The following MPP7 variants were observed in gnomAD, a reference collection of about 807,000 sequenced individuals.
The protein encoded by MPP7 is MAGUK p55 scaffold protein 7.
In MPP7, 60 loss-of-function variants were observed where a neutral mutation model predicts 76.5. The observed-to-expected ratio is 0.78, with a 90% CI of 0.64 to 0.97. The LOEUF is 0.97. Ranked by LOEUF, MPP7 falls within the 50% of genes least tolerant of loss-of-function variation. The pLI, the probability that MPP7 is intolerant of heterozygous loss-of-function variation, is 0.00. For synonymous variants in MPP7, 237 were observed against 244.5 expected (o/e 0.97, Z 0.29); for missense variants, 641 against 694.0 (o/e 0.92, Z 0.86).
In MPP7 at chr10:28,270,532, A is replaced by AAAGGG. The variant is rs1304530937; in HGVS notation, c.-131-31798_-131-31797insCCCTT. Among the ~76,000 whole-genome samples, 9 of 15,504 alleles carry AAAGGG rather than the reference A, an allele frequency of 5.8e-4. 1 individual carries two copies. The highest frequency in any genetic ancestry group is 1.3e-3 in the East Asian group (1 of 784). 10.2% of individuals were successfully genotyped at this position (15,504 alleles called of 152,430 possible). A position where few individuals can be genotyped will look rare whatever the true frequency, so the allele number is the denominator to read the frequency against. On this transcript the variant is annotated intron_variant, in intron 1 of 16. Coordinates refer to ENST00000683449, the MANE Select transcript of MPP7 (RefSeq NM_001318170.2). Reference sequence around the variant, plus strand: ...AAGACTATCTCTTTAAAAAAAAAAAAGGGGGGGGGGGAGGAGGGGAGCTGG... The same window carrying AAAGGG: ...AAGACTATCTCTTTAAAAAAAAAAAAAAGGGGGGGGGGGGGGAGGAGGGGAGCTGG...
intron 1 of MPP7, among the ~76,000 whole-genome samples, chr10:28,259,494 C>T (rs1370782246): frequency 6.6e-6 from 1 of 151,818 alleles, no homozygotes. Context: ...GAGGGAGAAT[C>T]ACTTGAGCCC....
Position 28,238,202 on chromosome 10 carries a change from G to A in MPP7, c.37+366C>T, listed in dbSNP as rs143482860. The stretch of plus-strand genomic sequence containing the variant: ...AAAAAGAGAAAAATATGAATCAAGT[G>A]TGGCAAACAGTTCCTAGCTGTTATA... On this transcript the variant is annotated intron_variant, in intron 2 of 16. Coordinates refer to ENST00000683449, the MANE Select transcript of MPP7 (RefSeq NM_001318170.2). 1.3e-3 allele frequency among the ~76,000 whole-genome samples: 203 copies of A among 152,122 alleles called. 2 individuals are homozygous for A. Among genetic ancestry groups the A allele is most frequent in the African/African-American group, 4.7e-3 (195 of 41,518 alleles).
intron 11 of MPP7, among the ~76,000 whole-genome samples, chr10:28,113,345 TG>T (rs1834563495): frequency 6.6e-6 from 1 of 152,166 alleles, no homozygotes; most frequent in Non-Finnish European, 1.5e-5. Context: ...CTCTCCTCTC[TG>T]GGATCTGTGA....
chr10:28,192,147 G>C (rs1588904709), intron 3 of MPP7, among the ~76,000 whole-genome samples: 1 of 150,670 alleles, frequency 6.6e-6, no homozygotes, highest in African/African-American at 2.4e-5. Context: ...GAAATAGAAA[G>C]AACTTTCTCA....
chr10:28,065,596 T>G (rs1243691039), intron 13 of MPP7, among the ~76,000 whole-genome samples: 2 of 152,164 alleles, frequency 1.3e-5, no homozygotes, highest in Non-Finnish European at 2.9e-5. Flanking sequence ...CCACTATGTA[T>G]ACCAGTTAAG....
chr10:28,125,200 C>CA, intron 6 of MPP7, 109 bp from the exon 7 acceptor site: 2 of 902,264 alleles, frequency 2.2e-6, no homozygotes, highest in African/African-American at 1.7e-5. Context: ...ACTACAAAAA[C>CA]GAAAAAAAAG....
intron 3 of MPP7, among the ~76,000 whole-genome samples, chr10:28,172,319 G>A (rs934065295): frequency 5.3e-5 from 8 of 152,184 alleles, no homozygotes; most frequent in Non-Finnish European, 1.0e-4. Flanking sequence ...GGAATGGTAC[G>A]AAAAAATCTT....
chr10:28,302,402 T>A (rs575707364), intron 1 of MPP7, among the ~76,000 whole-genome samples: 1 of 152,298 alleles, frequency 6.6e-6, no homozygotes, highest in East Asian at 1.9e-4. Flanking sequence ...TCAGAAAACA[T>A]GTAATTAACA....
chr10:28,295,344 T>C (rs989225915), intron 1 of MPP7, among the ~76,000 whole-genome samples: 4 of 152,328 alleles, frequency 2.6e-5, no homozygotes, highest in East Asian at 3.9e-4. Context: ...CTGATTATAC[T>C]ATGTACAAAA....
chr10:28,220,834 C>T (rs558419848), intron 2 of MPP7, among the ~76,000 whole-genome samples: 16 of 152,140 alleles, frequency 1.1e-4, no homozygotes, highest in Admixed American at 2.0e-4. Flanking sequence ...AGTTTTGCAA[C>T]GGGACAAAAG....
At chr10:28,192,817 A>G (rs1004433000) in intron 3 of MPP7, among the ~76,000 whole-genome samples, 4 of 152,248 alleles carry the variant, frequency 2.6e-5, no homozygotes, top group African/African-American at 7.2e-5. Flanking sequence ...TAGTCAACAC[A>G]GTATCAAAGA....
intron 2 of MPP7, among the ~76,000 whole-genome samples, chr10:28,232,602 A>G (rs1213408528): frequency 1.3e-5 from 2 of 152,234 alleles, no homozygotes; most frequent in Admixed American, 6.5e-5. Context: ...AAAATTTACA[A>G]TATGTTTTCA....
At chr10:28,171,992 A>T (rs1039759218) in intron 3 of MPP7, among the ~76,000 whole-genome samples, 11 of 152,194 alleles carry the variant, frequency 7.2e-5, no homozygotes, top group Non-Finnish European at 1.5e-4. Context: ...GATACACTGA[A>T]TAATGTTGCC....
intron 11 of MPP7, among the ~76,000 whole-genome samples, chr10:28,105,894 T>C (rs1268257515): frequency 6.6e-6 from 1 of 152,200 alleles, no homozygotes; most frequent in Non-Finnish European, 1.5e-5. Context: ...GAAATTTTCA[T>C]ATGAAATTTC....
Position 28,262,290 on chromosome 10 carries a change from T to TTC in MPP7, c.-131-23556_-131-23555insGA, listed in dbSNP as rs1216812614. On this transcript the variant is annotated intron_variant, in intron 1 of 16. Transcript: ENST00000683449. ...ATATATATATATATTTTTTTTTTTTTCTTCACCATGTTGGCCAGGATGGTC... is the reference window on the plus strand; with the variant it reads ...ATATATATATATATTTTTTTTTTTTTTCCTTCACCATGTTGGCCAGGATGGTC... 1.4e-3 allele frequency among the ~76,000 whole-genome samples: 182 copies of TTC among 127,036 alleles called. 22 individuals are homozygous for TTC. The East Asian group carries it at 0.04, about 28-fold the overall frequency. The allele number at this position is 127,036 out of a possible 152,430, so 83.3% of individuals were successfully genotyped here. A position where few individuals can be genotyped will look rare whatever the true frequency, so the allele number is the denominator to read the frequency against.
chr10:28,313,411 C>G (rs1394525411), intron 2 of MPP7, among the ~76,000 whole-genome samples: 1 of 152,072 alleles, frequency 6.6e-6, no homozygotes, highest in Non-Finnish European at 1.5e-5. Flanking sequence ...GAAGCTGAGG[C>G]AGGAGAATCT....
intron 2 of MPP7, among the ~76,000 whole-genome samples, chr10:28,208,682 C>A (rs575342204): frequency 6.6e-6 from 1 of 152,208 alleles, no homozygotes; most frequent in African/African-American, 2.4e-5. Flanking sequence ...CAAAACTTAA[C>A]GTCAGGCCAG....
chr10:28,082,162 A>C (rs1444351946), intron 12 of MPP7, among the ~76,000 whole-genome samples: 1 of 152,240 alleles, frequency 6.6e-6, no homozygotes, highest in Admixed American at 6.5e-5. Context: ...CAACGTTTCT[A>C]TAATCATAAA....
chr10:28,193,919 G>T (rs1387407874), intron 3 of MPP7, among the ~76,000 whole-genome samples: 1 of 151,440 alleles, frequency 6.6e-6, no homozygotes, highest in Non-Finnish European at 1.5e-5. Context: ...CGCTGACAAG[G>T]CTATAGAGCT....
Sources: gnomAD v4.1 joint callset for allele counts (sites outside exome capture counted in the v4.1 genomes callset) on GRCh38, gnomAD v4.1.1 for gene constraint, MANE v1.5 for transcripts, NCBI Gene and HGNC (gene_info 2026-07-23, HGNC 2026-07-21) for gene names.